PLEKHA7: variants seen among roughly 807,000 people sequenced by gnomAD.
PLEKHA7 encodes pleckstrin homology domain containing A7.
In PLEKHA7, 104 loss-of-function variants were observed where a neutral mutation model predicts 170.0. That is an observed-to-expected ratio of 0.61 (90% CI 0.52 to 0.72). PLEKHA7 has a LOEUF of 0.72. Ranked by LOEUF, PLEKHA7 falls within the 30% of genes least tolerant of loss-of-function variation. The pLI, the probability that PLEKHA7 is intolerant of heterozygous loss-of-function variation, is 0.00. For synonymous variants in PLEKHA7, 648 were observed against 660.8 expected, an observed-to-expected ratio of 0.98 and a Z score of 0.30; for missense variants, 1,615 against 1,671.7, an observed-to-expected ratio of 0.97 and a Z score of 0.59.
In PLEKHA7 at chr11:16,800,917, CAAAA is replaced by C. The variant is rs1196957721; in HGVS notation, c.2409+53_2409+56del. On this transcript the variant is annotated intron_variant, in intron 17 of 26. Transcript: ENST00000531066. The stretch of plus-strand genomic sequence containing the variant: ...CCACAGGTGAAGTCTCTTGGAAAAA[CAAAA>C]AACAAAAAACAAAAAACAAGAGCTC... 5 of 1,483,730 alleles carry C rather than the reference CAAAA, an allele frequency of 3.4e-6. No homozygotes were observed. In the African/African-American group the frequency reaches 7.0e-5, roughly 21 times the overall value. The allele number at this position is 1,483,730 out of a possible 1,614,324, so 91.9% of individuals were successfully genotyped here. A position where few individuals can be genotyped will look rare whatever the true frequency, so the allele number is the denominator to read the frequency against.
chr11:16,909,749 T>C (rs1254461053), intron 3 of PLEKHA7, among the ~76,000 whole-genome samples: 1 of 152,236 alleles, frequency 6.6e-6, no homozygotes, highest in Non-Finnish European at 1.5e-5. Flanking sequence ...TGCATCTTTT[T>C]GCAGCCTGAT....
intron 3 of PLEKHA7, among the ~76,000 whole-genome samples, chr11:16,992,755 CAAAA>C (rs10610034): frequency 1.6e-4 from 19 of 119,096 alleles, no homozygotes; most frequent in East Asian, 2.3e-4. Context: ...GACTCTATCT[CAAAA>C]AAAAAAAAAA....
At chr11:16,837,075 C>T (rs957829196) in intron 9 of PLEKHA7, among the ~76,000 whole-genome samples, 4 of 152,124 alleles carry the variant, frequency 2.6e-5, no homozygotes, top group East Asian at 1.9e-4. Context: ...CCGCCTGCTT[C>T]GGCCTCCCAA....
At chr11:16,818,160 G>T (rs1282508334) in intron 10 of PLEKHA7, among the ~76,000 whole-genome samples, 1 of 152,206 alleles carries the variant, frequency 6.6e-6, no homozygotes, top group Non-Finnish European at 1.5e-5. Context: ...AAAGGAAAAA[G>T]GAGTCTAACC....
chr11:16,989,683 T>C (rs920550422), intron 3 of PLEKHA7, among the ~76,000 whole-genome samples: 17 of 152,244 alleles, frequency 1.1e-4, no homozygotes, highest in Non-Finnish European at 2.4e-4. Flanking sequence ...CCCCAGGATC[T>C]GGCATGGTGC....
At chr11:16,940,874 C>T (rs899513767) in intron 3 of PLEKHA7, among the ~76,000 whole-genome samples, 1 of 152,082 alleles carries the variant, frequency 6.6e-6, no homozygotes, top group African/African-American at 2.4e-5. Flanking sequence ...GACAACAGGC[C>T]CAGTCCTCCC....
At chr11:17,002,807 A>G (rs1315762656) in intron 3 of PLEKHA7, among the ~76,000 whole-genome samples, 1 of 152,024 alleles carries the variant, frequency 6.6e-6, no homozygotes, top group African/African-American at 2.4e-5. Context: ...GTAAAGAGGT[A>G]AACCAGGGGC....
intron 3 of PLEKHA7, among the ~76,000 whole-genome samples, chr11:16,907,269 G>GC (rs1156562046): frequency 1.4e-5 from 2 of 142,878 alleles, no homozygotes; most frequent in Non-Finnish European, 3.0e-5. Context: ...GGGGGGGTCA[G>GC]CCCCCCGCCC....
intron 17 of PLEKHA7, among the ~76,000 whole-genome samples, chr11:16,796,281 T>C (rs1848225234): frequency 6.6e-6 from 1 of 152,178 alleles, no homozygotes; most frequent in Non-Finnish European, 1.5e-5. Context: ...CTGAACCCGA[T>C]ATTTGAGGTT....
chr11:17,006,276 C>T (rs1294447987), intron 3 of PLEKHA7, among the ~76,000 whole-genome samples: 4 of 149,422 alleles, frequency 2.7e-5, no homozygotes, highest in African/African-American at 5.0e-5. Context: ...TGCAGTGAGC[C>T]GAGATCACAC....
chr11:16,985,418 G>C (rs1213288847), intron 3 of PLEKHA7, among the ~76,000 whole-genome samples: 2 of 151,866 alleles, frequency 1.3e-5, no homozygotes, highest in Admixed American at 6.6e-5. Context: ...ACCCTGCCTT[G>C]AAGAAATTTA....
At chr11:16,903,958 T>G (rs1857497229) in intron 3 of PLEKHA7, among the ~76,000 whole-genome samples, 1 of 152,202 alleles carries the variant, frequency 6.6e-6, no homozygotes, top group Admixed American at 6.5e-5. Context: ...TTCTTCAACA[T>G]GGTACAAAGA....
chr11:16,892,974 G>A (rs998878871), intron 3 of PLEKHA7, among the ~76,000 whole-genome samples: 4 of 152,132 alleles, frequency 2.6e-5, no homozygotes, highest in Non-Finnish European at 4.4e-5. Flanking sequence ...GTGTAAACAA[G>A]TTCCCTAGGG....
chr11:16,814,690 G>A (rs1302094450), intron 12 of PLEKHA7, among the ~76,000 whole-genome samples: 4 of 152,170 alleles, frequency 2.6e-5, no homozygotes, highest in Non-Finnish European at 4.4e-5. Flanking sequence ...CCTTGTGTGT[G>A]ATCCTTACTC....
intron 3 of PLEKHA7, among the ~76,000 whole-genome samples, chr11:16,926,626 C>T (rs997680212): frequency 6.6e-6 from 1 of 152,166 alleles, no homozygotes; most frequent in African/African-American, 2.4e-5. Flanking sequence ...GGATCCCTGA[C>T]GAAGTGATAC....
chr11:16,967,835 G>T (rs1862465271), intron 3 of PLEKHA7, among the ~76,000 whole-genome samples: 2 of 151,970 alleles, frequency 1.3e-5, no homozygotes, highest in Admixed American at 6.6e-5. Context: ...TTGCCAGCTT[G>T]CTGCCTCACC....
intron 9 of PLEKHA7, among the ~76,000 whole-genome samples, chr11:16,828,783 G>C (rs993107975): frequency 2.6e-5 from 4 of 152,206 alleles, no homozygotes; most frequent in African/African-American, 9.6e-5. Flanking sequence ...CACAGTCTCA[G>C]TGACTGGTTC....
intron 3 of PLEKHA7, among the ~76,000 whole-genome samples, chr11:16,903,667 G>C (rs1296287011): frequency 6.6e-6 from 1 of 152,154 alleles, no homozygotes; most frequent in East Asian, 1.9e-4. Flanking sequence ...GGAGTCAATG[G>C]TTCCAAATTC....
chr11:16,801,376 G>A (rs55907984), intron 16 of PLEKHA7, among the ~76,000 whole-genome samples: 1,543 of 152,322 alleles, frequency 0.01, 22 homozygotes, highest in African/African-American at 0.035. Flanking sequence ...GGAATTAACT[G>A]CACACAGATC....
Sources: allele counts gnomAD v4.1 joint callset (sites outside exome capture counted in the v4.1 genomes callset), GRCh38; gene constraint gnomAD v4.1.1; transcripts MANE v1.5; gene names NCBI Gene and HGNC (gene_info 2026-07-23, HGNC 2026-07-21).